TTLL5: variants seen among roughly 807,000 people sequenced by gnomAD.
The protein encoded by TTLL5 is tubulin polyglutamylase TTLL5.
In TTLL5, 132 loss-of-function variants were observed where a neutral mutation model predicts 168.4. The ratio of observed to expected loss-of-function variants is 0.78; its 90% CI spans 0.68 to 0.91. The LOEUF is 0.91. Among genes scored for constraint, TTLL5 ranks in the 40% least tolerant of loss-of-function variants. The pLI is 0.00. For missense variants in TTLL5, 1,545 were observed against 1,581.5 expected, an observed-to-expected ratio of 0.98 and a Z score of 0.39; for synonymous variants, 546 against 558.6, an observed-to-expected ratio of 0.98 and a Z score of 0.32.
At chr14:75,768,992 T>C (rs564373158) in intron 20 of TTLL5, among the ~76,000 whole-genome samples, 1 of 152,312 alleles carries the variant, frequency 6.6e-6, no homozygotes, top group South Asian at 2.1e-4. Flanking sequence ...ATCCAAGATG[T>C]GGAGTTAGAC....
At chr14:75,892,186 G>T (rs1386648756) in intron 30 of TTLL5, among the ~76,000 whole-genome samples, 1 of 152,184 alleles carries the variant, frequency 6.6e-6, no homozygotes, top group African/African-American at 2.4e-5. Flanking sequence ...AGGCCAGTTG[G>T]CTCCCAAAGT....
chr14:75,863,961 A>G, intron 29 of TTLL5, 99 bp downstream of exon 29: 1 of 1,265,324 alleles, frequency 7.9e-7, no homozygotes, highest in Non-Finnish European at 1.0e-6. Flanking sequence ...ATGTAGGATT[A>G]GTTTTCCAAC....
At chr14:75,860,304 C>T (rs1168768884) in intron 28 of TTLL5, among the ~76,000 whole-genome samples, 1 of 152,188 alleles carries the variant, frequency 6.6e-6, no homozygotes, top group African/African-American at 2.4e-5. Flanking sequence ...GGTTTGGTTT[C>T]AGACTTTGAT....
intron 31 of TTLL5, among the ~76,000 whole-genome samples, chr14:75,913,939 A>G (rs1398614281): frequency 4.7e-5 from 7 of 149,386 alleles, no homozygotes; most frequent in East Asian, 2.0e-4. Context: ...GCTTCAGTCC[A>G]GGGAGGCAGA....
intron 6 of TTLL5, among the ~76,000 whole-genome samples, chr14:75,692,162 G>A (rs533942480): frequency 6.6e-6 from 1 of 152,300 alleles, no homozygotes; most frequent in African/African-American, 2.4e-5. Flanking sequence ...AGTATTGCTG[G>A]TGCTGACCTT....
intron 2 of TTLL5, among the ~76,000 whole-genome samples, chr14:75,665,735 C>G (rs1287067369): frequency 6.6e-6 from 1 of 152,006 alleles, no homozygotes; most frequent in African/African-American, 2.4e-5. Context: ...GTGGGTAATC[C>G]CAGCTACTCG....
At chr14:75,719,913 T>TTGA in intron 11 of TTLL5, 87 bp downstream of exon 11, 1 of 1,364,482 alleles carries the variant, frequency 7.3e-7, no homozygotes, top group Non-Finnish European at 1.0e-6. Flanking sequence ...CTCTGTTGCT[T>TTGA]TGATAGTGTT....
At chr14:75,907,388 G>A (rs951026153) in intron 31 of TTLL5, among the ~76,000 whole-genome samples, 51 of 152,132 alleles carry the variant, frequency 3.4e-4, no homozygotes, top group African/African-American at 1.2e-3. Flanking sequence ...AAAATTCTGC[G>A]AAACTTCAAG....
intron 31 of TTLL5, among the ~76,000 whole-genome samples, chr14:75,937,610 A>C (rs895619458): frequency 2.0e-5 from 3 of 152,168 alleles, no homozygotes; most frequent in African/African-American, 7.2e-5. Flanking sequence ...TATAAGTGGA[A>C]TCATACGGTA....
chr14:75,731,403 A>T (rs927621635), intron 12 of TTLL5, among the ~76,000 whole-genome samples: 4 of 151,684 alleles, frequency 2.6e-5, no homozygotes, highest in African/African-American at 9.7e-5. Flanking sequence ...ACACACACAC[A>T]CACACACACA....
intron 29 of TTLL5, among the ~76,000 whole-genome samples, chr14:75,875,786 G>T (rs920424075): frequency 6.6e-6 from 1 of 152,128 alleles, no homozygotes; most frequent in Non-Finnish European, 1.5e-5. Flanking sequence ...ATGTGATTCC[G>T]TGTTTTGTCA....
At chr14:75,780,243 A>G (rs145761696) in intron 24 of TTLL5, among the ~76,000 whole-genome samples, 1 of 152,280 alleles carries the variant, frequency 6.6e-6, no homozygotes, top group East Asian at 1.9e-4. Context: ...CATCATTGGC[A>G]TTTTGGGCAG....
chr14:75,818,770 G>GT (rs1382639258), intron 27 of TTLL5, among the ~76,000 whole-genome samples: 1 of 151,352 alleles, frequency 6.6e-6, no homozygotes, highest in Non-Finnish European at 1.5e-5. Flanking sequence ...AAGTGTTGGG[G>GT]TTACAGGCGT....
chr14:75,745,144 G>A lies in TTLL5; in HGVS notation c.1331G>A (p.Gly444Asp), dbSNP rs1178798090. 1 of 1,613,962 alleles carries A rather than the reference G, an allele frequency of 6.2e-7. No individual in the cohort carries two copies. The highest frequency in any genetic ancestry group is 1.7e-5 in the Admixed American group (1 of 60,010). The change falls in exon 16 of 32, where the codon GGC (glycine) becomes GAC (aspartate). Residue 444 changes from glycine (G) to aspartate (D), a missense_variant. By Grantham distance (94) the Gly-to-Asp change is moderately conservative. Transcript: ENST00000298832. ...GATGCGGAAATGAAAAACCTCGTGGGCTCAGCCCGGGAGAAAGGGCCAGGG... is the reference window on the plus strand; with the variant it reads ...GATGCGGAAATGAAAAACCTCGTGGACTCAGCCCGGGAGAAAGGGCCAGGG... ...ASDAEMKNLV[G>D]SAREKGPGKL...
At chr14:75,740,343 A>G (rs1566583288) in intron 15 of TTLL5, among the ~76,000 whole-genome samples, 1 of 152,124 alleles carries the variant, frequency 6.6e-6, no homozygotes, top group Non-Finnish European at 1.5e-5. Context: ...CCATTATTTT[A>G]CTAGGGATTC....
intron 10 of TTLL5, among the ~76,000 whole-genome samples, chr14:75,718,825 G>C (rs1887641936): frequency 6.6e-6 from 1 of 152,130 alleles, no homozygotes; most frequent in East Asian, 1.9e-4. Context: ...GTGGAAAAGA[G>C]ACCCAAATAG....
chr14:75,808,192 T>C (rs1345863655), intron 27 of TTLL5, among the ~76,000 whole-genome samples: 2 of 152,208 alleles, frequency 1.3e-5, no homozygotes, highest in Non-Finnish European at 2.9e-5. Flanking sequence ...TCTGGAACTC[T>C]GTCTGGATTT....
intron 28 of TTLL5, among the ~76,000 whole-genome samples, chr14:75,858,717 T>C (rs1281286279): frequency 6.6e-6 from 1 of 152,212 alleles, no homozygotes; most frequent in African/African-American, 2.4e-5. Flanking sequence ...CACTGTGAGT[T>C]TGACATCTTC....
intron 28 of TTLL5, among the ~76,000 whole-genome samples, chr14:75,849,095 A>G (rs1896708939): frequency 6.6e-6 from 1 of 152,214 alleles, no homozygotes; most frequent in African/African-American, 2.4e-5. Context: ...TGATACCTCA[A>G]TGCATTCTTC....
Sources: gnomAD v4.1 joint callset for allele counts (sites outside exome capture counted in the v4.1 genomes callset) on GRCh38, gnomAD v4.1.1 for gene constraint, MANE v1.5 for transcripts, NCBI Gene and HGNC (gene_info 2026-07-23, HGNC 2026-07-21) for gene names.